GLG1: variants seen among roughly 807,000 people sequenced by gnomAD.
The protein encoded by GLG1 is golgi glycoprotein 1.
A neutral mutation model predicts 160.5 loss-of-function variants in GLG1; 38 were observed. The ratio of observed to expected loss-of-function variants is 0.24; its 90% CI spans 0.18 to 0.31. The LOEUF is 0.31. Ranked by LOEUF, GLG1 falls within the 10% of genes least tolerant of loss-of-function variation. GLG1 has a pLI of 1.00. For missense variants in GLG1, 1,373 were observed against 1,505.2 expected (o/e 0.91, Z 1.45); for synonymous variants, 644 against 543.4 (o/e 1.19, Z -2.57).
At chr16:74,454,833 G>A (rs1212981030) in intron 25 of GLG1, among the ~76,000 whole-genome samples, 1 of 151,478 alleles carries the variant, frequency 6.6e-6, no homozygotes, top group Non-Finnish European at 1.5e-5. Flanking sequence ...CACCCAGCCT[G>A]TATTTTGACT....
intron 2 of GLG1, among the ~76,000 whole-genome samples, chr16:74,529,111 C>T (rs1225185159): frequency 2.0e-5 from 3 of 151,816 alleles, no homozygotes; most frequent in South Asian, 2.1e-4. Context: ...GGATTACAGG[C>T]ACCTGCCACC....
chr16:74,514,879 G>A (rs996514079), intron 2 of GLG1, among the ~76,000 whole-genome samples: 2 of 152,030 alleles, frequency 1.3e-5, no homozygotes, highest in African/African-American at 4.8e-5. Flanking sequence ...TCAGTATGCT[G>A]TATTCAGGAG....
chr16:74,588,823 T>TCAAGAGCTA (rs1172471842), intron 1 of GLG1, among the ~76,000 whole-genome samples: 3 of 152,126 alleles, frequency 2.0e-5, no homozygotes, highest in African/African-American at 7.2e-5. Flanking sequence ...CACATGGTTA[T>TCAAGAGCTA]CAAGAGCTAC....
chr16:74,600,970 G>GGACACT (rs1958427267), intron 1 of GLG1, among the ~76,000 whole-genome samples: 1 of 152,068 alleles, frequency 6.6e-6, no homozygotes, highest in Non-Finnish European at 1.5e-5. Flanking sequence ...AAGTACTAGT[G>GGACACT]TCCTTCCACA....
intron 11 of GLG1, among the ~76,000 whole-genome samples, chr16:74,479,693 G>A (rs188977910): frequency 4.6e-5 from 7 of 152,278 alleles, no homozygotes; most frequent in African/African-American, 1.2e-4. Context: ...GAAAGCCATC[G>A]TGGAGAACAA....
chr16:74,512,070 C>G (rs752174198), intron 2 of GLG1, among the ~76,000 whole-genome samples: 5 of 152,010 alleles, frequency 3.3e-5, no homozygotes, highest in Non-Finnish European at 7.4e-5. Flanking sequence ...ATTATCACCC[C>G]AAACAGAAGC....
intron 1 of GLG1, among the ~76,000 whole-genome samples, chr16:74,539,904 G>A (rs1308324562): frequency 2.2e-5 from 3 of 137,228 alleles, no homozygotes; most frequent in African/African-American, 8.1e-5. Context: ...CATCTTCTAT[G>A]CCCAAAGCAG....
intron 1 of GLG1, among the ~76,000 whole-genome samples, chr16:74,597,786 G>A (rs1958340256): frequency 4.0e-5 from 6 of 150,802 alleles, no homozygotes; most frequent in South Asian, 2.1e-4. Context: ...CCCGGGAGGT[G>A]GAGCTTGCAG....
intron 11 of GLG1, among the ~76,000 whole-genome samples, chr16:74,477,960 C>T (rs543518517): frequency 1.0e-4 from 9 of 89,596 alleles, no homozygotes; most frequent in Non-Finnish European, 1.4e-4. Context: ...GCAACAAGAG[C>T]GAAACTCCGT....
chr16:74,488,729 C>T (rs2015877155), intron 8 of GLG1, among the ~76,000 whole-genome samples: 2 of 152,062 alleles, frequency 1.3e-5, no homozygotes, highest in Admixed American at 1.3e-4. Context: ...AAGCGATTCT[C>T]CTACCTCAGC....
chr16:74,481,882 T>C (rs1484103972), intron 10 of GLG1, among the ~76,000 whole-genome samples: 1 of 152,082 alleles, frequency 6.6e-6, no homozygotes, highest in Non-Finnish European at 1.5e-5. Context: ...CCTCCCGGGT[T>C]TTACACCATT....
chr16:74,470,391 T>TTCCC (rs999079803), intron 15 of GLG1, among the ~76,000 whole-genome samples: 1 of 140,640 alleles, frequency 7.1e-6, no homozygotes. Context: ...CCTTCCTTCC[T>TTCCC]TCCCTCCCTC....
chr16:74,458,092 AGTTGAGG>A (rs1346079315), intron 23 of GLG1, 98 bp from the exon 24 acceptor site: 1 of 1,227,544 alleles, frequency 8.1e-7, no homozygotes, highest in Non-Finnish European at 1.2e-6. Flanking sequence ...AAAGGGGGGA[AGTTGAGG>A]GCTAACAACA....
intron 13 of GLG1, chr16:74,473,017 AG>A (rs1490086846): frequency 6.4e-6 from 1 of 155,348 alleles, no homozygotes; most frequent in Admixed American, 6.4e-5. Flanking sequence ...AAAACTAGAA[AG>A]CAAAAAAGAA....
intron 1 of GLG1, among the ~76,000 whole-genome samples, chr16:74,558,870 A>G (rs1401783641): frequency 6.6e-6 from 1 of 152,134 alleles, no homozygotes; most frequent in Non-Finnish European, 1.5e-5. Context: ...TTTGTCACAG[A>G]CTGTACATCT....
chr16:74,497,689 G>A lies in GLG1; in HGVS notation c.775-1045C>T, dbSNP rs185501832. Among the ~76,000 whole-genome samples, 224 of 152,106 alleles carry A rather than the reference G, an allele frequency of 1.5e-3. 1 individual carries two copies. The South Asian group carries it at 0.016, about 11-fold the overall frequency. On this transcript the variant is annotated intron_variant, in intron 4 of 25. Coordinates refer to ENST00000422840, the MANE Select transcript of GLG1 (RefSeq NM_001145667.2). ...CCTGACCTCGTGATCCGCCCGCCTC[G>A]GCCTCCCAAAGTGCTGGGATTACTG...
chr16:74,488,313 G>A (rs2015864360), intron 8 of GLG1, among the ~76,000 whole-genome samples: 1 of 152,086 alleles, frequency 6.6e-6, no homozygotes, highest in African/African-American at 2.4e-5. Flanking sequence ...AGGCCAAAAC[G>A]GGCAGACTGC....
intron 1 of GLG1, among the ~76,000 whole-genome samples, chr16:74,593,426 A>G (rs919738529): frequency 1.4e-5 from 2 of 139,116 alleles, no homozygotes; most frequent in Non-Finnish European, 1.5e-5. Flanking sequence ...GTGAAGTACC[A>G]GAGCTTTTTT....
chr16:74,508,151 G>A (rs544383229), intron 3 of GLG1, among the ~76,000 whole-genome samples: 1 of 152,096 alleles, frequency 6.6e-6, no homozygotes, highest in East Asian at 1.9e-4. Context: ...GAAGAATGTG[G>A]CCCTGACTTA....
Sources: allele counts gnomAD v4.1 joint callset (sites outside exome capture counted in the v4.1 genomes callset), GRCh38; gene constraint gnomAD v4.1.1; transcripts MANE v1.5; gene names NCBI Gene and HGNC (gene_info 2026-07-23, HGNC 2026-07-21).